Variants in THSD4 observed in about 807,000 individuals in gnomAD.
THSD4 encodes thrombospondin type-1 domain-containing protein 4.
THSD4 carries 69 observed loss-of-function variants against 119.0 expected under a neutral mutation model. That is an observed-to-expected ratio of 0.58 (90% CI 0.48 to 0.71). THSD4 has a LOEUF of 0.71. THSD4 is among the 30% of genes least tolerant of loss of function. THSD4 has a pLI of 0.00. For synonymous variants in THSD4, 524 were observed against 540.4 expected, an observed-to-expected ratio of 0.97 and a Z score of 0.42; for missense variants, 1,393 against 1,391.1, an observed-to-expected ratio of 1.00 and a Z score of -0.02.
At chr15:71,177,924 T>C (rs1300049785) in intron 3 of THSD4, among the ~76,000 whole-genome samples, 1 of 139,748 alleles carries the variant, frequency 7.2e-6, no homozygotes, top group Non-Finnish European at 1.6e-5. Flanking sequence ...AAAAAGCCTT[T>C]GACAAAATTC....
intron 15 of THSD4, among the ~76,000 whole-genome samples, chr15:71,763,060 G>A (rs1344865390): frequency 6.6e-6 from 1 of 151,918 alleles, no homozygotes. Context: ...AACAGAGCAA[G>A]ACTCCATCTC....
At chr15:71,377,814 T>C (rs1037474531) in intron 6 of THSD4, among the ~76,000 whole-genome samples, 52 of 151,198 alleles carry the variant, frequency 3.4e-4, no homozygotes, top group African/African-American at 1.2e-3. Flanking sequence ...GTCCTGTTCT[T>C]TCCTGCTTGT....
intron 3 of THSD4, among the ~76,000 whole-genome samples, chr15:71,162,100 G>A (rs2043254561): frequency 6.6e-6 from 1 of 151,948 alleles, no homozygotes; most frequent in Non-Finnish European, 1.5e-5. Context: ...ACTAATTGTA[G>A]TTGTTTATGT....
intron 6 of THSD4, among the ~76,000 whole-genome samples, chr15:71,401,153 T>A (rs1038169505): frequency 1.3e-5 from 2 of 150,304 alleles, no homozygotes; most frequent in South Asian, 2.2e-4. Flanking sequence ...CAAAGCTCCC[T>A]AAAATCCAAA....
At chr15:71,604,466 A>G (rs1019813030) in intron 7 of THSD4, among the ~76,000 whole-genome samples, 1 of 152,216 alleles carries the variant, frequency 6.6e-6, no homozygotes, top group African/African-American at 2.4e-5. Context: ...ATGGCATTTT[A>G]TTCAGCAGTT....
In THSD4 at chr15:71,777,553, A is replaced by G; in HGVS notation, c.*179A>G. The G allele has an allele frequency of 2.6e-6, 2 of 778,464 alleles. No homozygotes were observed. Among genetic ancestry groups the G allele is most frequent in the Non-Finnish European group, 4.0e-6 (2 of 499,336 alleles). 48.2% of individuals were successfully genotyped at this position (778,464 alleles called of 1,614,324 possible). A position where few individuals can be genotyped will look rare whatever the true frequency, so the allele number is the denominator to read the frequency against. On this transcript the variant is annotated 3_prime_UTR_variant, in exon 18 of 18. Coordinates refer to ENST00000261862, the MANE Select transcript of THSD4 (RefSeq NM_024817.3). ...GGTACCCAGGGGCTTTTTACACAAG[A>G]TGTTTGAAAGCCACAGTCAGTCCTT...
At chr15:71,673,600 C>T (rs138594112) in intron 8 of THSD4, among the ~76,000 whole-genome samples, 1 of 152,178 alleles carries the variant, frequency 6.6e-6, no homozygotes, top group Non-Finnish European at 1.5e-5. Flanking sequence ...AATTTTAGAT[C>T]TTTCCTGCTT....
At chr15:71,398,981 G>A (rs2046487158) in intron 6 of THSD4, among the ~76,000 whole-genome samples, 1 of 152,036 alleles carries the variant, frequency 6.6e-6, no homozygotes, top group Admixed American at 6.5e-5. Context: ...AAGCAGGATG[G>A]GAGTAGGTAG....
chr15:71,765,672 G>T (rs889407051), intron 16 of THSD4, among the ~76,000 whole-genome samples: 1 of 152,168 alleles, frequency 6.6e-6, no homozygotes, highest in African/African-American at 2.4e-5. Flanking sequence ...GGAGGCCAAG[G>T]TGGGAAGATC....
At chr15:71,750,139 G>A (rs897586605) in intron 14 of THSD4, among the ~76,000 whole-genome samples, 2 of 152,090 alleles carry the variant, frequency 1.3e-5, no homozygotes, top group African/African-American at 4.8e-5. Flanking sequence ...CATGTTCTTG[G>A]ATCTTAGGAG....
At chr15:71,402,464 G>A (rs1441195254) in intron 6 of THSD4, among the ~76,000 whole-genome samples, 1 of 152,152 alleles carries the variant, frequency 6.6e-6, no homozygotes, top group Non-Finnish European at 1.5e-5. Context: ...AGAGATTTGT[G>A]CCCAGTGTTC....
chr15:71,353,101 C>T (rs1383040217), intron 6 of THSD4, among the ~76,000 whole-genome samples: 1 of 152,230 alleles, frequency 6.6e-6, no homozygotes, highest in African/African-American at 2.4e-5. Flanking sequence ...GCACTCTATA[C>T]ATGAGGCTTC....
intron 1 of THSD4, among the ~76,000 whole-genome samples, chr15:71,131,644 T>C (rs2040505327): frequency 1.3e-5 from 2 of 152,222 alleles, no homozygotes; most frequent in African/African-American, 2.4e-5. Flanking sequence ...CCATTTTTTT[T>C]CCCTATTGTG....
At chr15:71,622,560 T>A (rs1427339517) in intron 7 of THSD4, among the ~76,000 whole-genome samples, 1 of 152,230 alleles carries the variant, frequency 6.6e-6, no homozygotes, top group African/African-American at 2.4e-5. Flanking sequence ...TGTGTATTAT[T>A]TACACGTGTG....
At chr15:71,228,568 AAACT>A (rs1222205320) in intron 4 of THSD4, among the ~76,000 whole-genome samples, 1 of 152,238 alleles carries the variant, frequency 6.6e-6, no homozygotes, top group Admixed American at 6.5e-5. Context: ...CCTTATGCAT[AAACT>A]ATCTTTAGTG....
At chr15:71,524,031 T>C (rs754210169) in intron 7 of THSD4, among the ~76,000 whole-genome samples, 44 of 152,234 alleles carry the variant, frequency 2.9e-4, no homozygotes, top group Non-Finnish European at 5.6e-4. Flanking sequence ...GTCTTTCCCA[T>C]ACTTACTTGA....
intron 6 of THSD4, among the ~76,000 whole-genome samples, chr15:71,284,731 G>GA (rs936395281): frequency 1.3e-5 from 2 of 151,958 alleles, no homozygotes; most frequent in Non-Finnish European, 2.9e-5. Flanking sequence ...AGCTATGAAA[G>GA]AAAAAAGTTT....
intron 4 of THSD4, among the ~76,000 whole-genome samples, chr15:71,224,988 G>C (rs1277556090): frequency 6.6e-6 from 1 of 152,068 alleles, no homozygotes; most frequent in Non-Finnish European, 1.5e-5. Context: ...AGGGAGGGGG[G>C]ACATTATCAG....
rs541169549 is a variant in THSD4, at chr15:71,640,521, G to A, written c.1153-20009G>A. On this transcript the variant is annotated intron_variant, in intron 7 of 17. Transcript: ENST00000261862. ...TATTGGATTAATTTCAGTGATGTAA[G>A]TTGAGGCCACTGACCCACATGACTC... Among the ~76,000 whole-genome samples the A allele has an allele frequency of 4.6e-5, 7 of 152,246 alleles. No individual in the cohort carries two copies. In the South Asian group the frequency reaches 1.5e-3, roughly 32 times the overall value.
Sources: gnomAD v4.1 joint callset for allele counts (sites outside exome capture counted in the v4.1 genomes callset) on GRCh38, gnomAD v4.1.1 for gene constraint, MANE v1.5 for transcripts, NCBI Gene and HGNC (gene_info 2026-07-23, HGNC 2026-07-21) for gene names.